The following DEPDC5 variants were observed in gnomAD, a reference collection of about 807,000 sequenced individuals.
The protein encoded by DEPDC5 is GATOR1 complex protein DEPDC5.
In DEPDC5, 73 loss-of-function variants were observed where a neutral mutation model predicts 217.3. That is an observed-to-expected ratio of 0.34 (90% CI 0.28 to 0.41). The LOEUF (loss-of-function observed/expected upper bound fraction) is 0.41. Among genes scored for constraint, DEPDC5 ranks in the 10% least tolerant of loss-of-function variants. DEPDC5 has a pLI of 1.00. For synonymous variants in DEPDC5, 733 were observed against 756.7 expected (o/e 0.97, Z 0.51); for missense variants, 1,675 against 2,070.1 (o/e 0.81, Z 3.70).
At chr22:31,815,748 C>A in intron 21 of DEPDC5, 2 of 1,090,498 alleles carry the variant, frequency 1.8e-6, no homozygotes, top group South Asian at 2.6e-5. Flanking sequence ...CCAGGCTGGT[C>A]TTGAACTCCT....
chr22:31,845,305 G>T, intron 30 of DEPDC5, 68 bp downstream of exon 30: 1 of 1,540,072 alleles, frequency 6.5e-7, no homozygotes. Context: ...TCCTCTATTA[G>T]GGGCCTCTCA....
chr22:31,857,371 G>C (rs532730692), intron 31 of DEPDC5, 74 bp from the exon 32 acceptor site: 2 of 1,287,598 alleles, frequency 1.6e-6, no homozygotes, highest in African/African-American at 3.0e-5. Flanking sequence ...AGAGCTGTCT[G>C]CATCTTGGCC....
At chr22:31,777,356 G>C (rs2083981421) in intron 7 of DEPDC5, among the ~76,000 whole-genome samples, 1 of 151,668 alleles carries the variant, frequency 6.6e-6, no homozygotes, top group South Asian at 2.1e-4. Flanking sequence ...CACCTCCTGG[G>C]TTCAAGTGAT....
intron 32 of DEPDC5, 29 bp from the exon 33 acceptor site, chr22:31,861,339 G>C: frequency 6.5e-7 from 1 of 1,549,930 alleles, no homozygotes; most frequent in Non-Finnish European, 8.7e-7. Context: ...TGCAACTGCT[G>C]CTGCTGCTTC....
intron 38 of DEPDC5, among the ~76,000 whole-genome samples, chr22:31,882,524 A>C (rs2093204326): frequency 6.6e-6 from 1 of 152,218 alleles, no homozygotes; most frequent in South Asian, 2.1e-4. Context: ...CCTTGTAGTA[A>C]GAGGCGCTCG....
At chr22:31,866,380 C>A in intron 33 of DEPDC5, among the ~76,000 whole-genome samples, 1 of 152,050 alleles carries the variant, frequency 6.6e-6, no homozygotes, top group African/African-American at 2.4e-5. Context: ...GTTTCTCAGG[C>A]TTTCCTTACA....
intron 24 of DEPDC5, among the ~76,000 whole-genome samples, chr22:31,823,475 G>A (rs2089888722): frequency 6.7e-6 from 1 of 149,042 alleles, no homozygotes; most frequent in Non-Finnish European, 1.5e-5. Context: ...GGAGGTTGCA[G>A]TGAGCTGAGG....
chr22:31,855,437 C>T (rs368998782), intron 31 of DEPDC5, among the ~76,000 whole-genome samples: 14 of 149,226 alleles, frequency 9.4e-5, no homozygotes, highest in African/African-American at 3.2e-4. Flanking sequence ...AGTGCAGTGG[C>T]GCGATATCGG....
At chr22:31,887,024 G>A (rs1427773197) in intron 38 of DEPDC5, among the ~76,000 whole-genome samples, 6 of 151,128 alleles carry the variant, frequency 4.0e-5, no homozygotes, top group East Asian at 2.0e-4. Flanking sequence ...TGGAGGTTGC[G>A]GTGAGCTGAG....
At chr22:31,880,097 C>T (rs1225747075) in intron 38 of DEPDC5, 6 of 284,212 alleles carry the variant, frequency 2.1e-5, no homozygotes, top group Non-Finnish European at 3.5e-5. Flanking sequence ...TAGTTCCTGC[C>T]GGAGCCCCTC....
chr22:31,794,357 T>A (rs967732984), intron 12 of DEPDC5, among the ~76,000 whole-genome samples: 1 of 152,150 alleles, frequency 6.6e-6, no homozygotes, highest in East Asian at 1.9e-4. Flanking sequence ...ATATGCAGTT[T>A]TATCTGTATA....
intron 3 of DEPDC5, 32 bp from the exon 4 acceptor site, chr22:31,760,624 T>C: frequency 6.2e-7 from 1 of 1,603,964 alleles, no homozygotes; most frequent in Admixed American, 1.7e-5. Context: ...CTGTTCACGG[T>C]ATCCCAACTC....
At chr22:31,763,384 C>T (rs2082560544) in intron 4 of DEPDC5, among the ~76,000 whole-genome samples, 1 of 152,110 alleles carries the variant, frequency 6.6e-6, no homozygotes, top group South Asian at 2.1e-4. Flanking sequence ...CTCAACCTCC[C>T]AAAGTCCTGG....
intron 15 of DEPDC5, 92 bp from the exon 16 acceptor site, chr22:31,804,070 C>T: frequency 1.6e-6 from 2 of 1,232,036 alleles, no homozygotes; most frequent in South Asian, 2.5e-5. Flanking sequence ...TTAGCTTTGC[C>T]TACTACCCAT....
intron 38 of DEPDC5, among the ~76,000 whole-genome samples, chr22:31,888,838 G>A (rs933087192): frequency 5.3e-5 from 8 of 152,176 alleles, no homozygotes; most frequent in Non-Finnish European, 7.4e-5. Context: ...GAGCCACTGC[G>A]CTCGGCCCCA....
chr22:31,828,911 G>T (rs866834057), intron 24 of DEPDC5, among the ~76,000 whole-genome samples: 1 of 152,196 alleles, frequency 6.6e-6, no homozygotes, highest in Non-Finnish European at 1.5e-5. Flanking sequence ...GCCGTCTTGT[G>T]GGGGATTGAA....
In DEPDC5 at chr22:31,861,401, C is replaced by G. The variant is rs978348336; in HGVS notation, c.3298C>G (p.Pro1100Ala). Residue 1100 changes from proline (P) to alanine (A), a missense_variant, in exon 33 of 43, where the codon CCA becomes GCA. This residue lies in a region of DEPDC5 where 126 missense variants were observed against 113.8 expected (regional missense o/e 1.11). Coordinates refer to ENST00000651528, the MANE Select transcript of DEPDC5 (RefSeq NM_001242896.3). ...CTTCTTTATGGAGTTTGTCCGCAGC[C>G]CACGCACAGCATCGTCCGCCTTCTA... Reference protein sequence around the residue: ...GAFFMEFVRSPRTASSAFYPQ... With the variant: ...GAFFMEFVRSARTASSAFYPQ... The G allele has an allele frequency of 6.4e-7, 1 of 1,551,386 alleles. No homozygotes were observed. Among genetic ancestry groups the G allele is most frequent in the African/African-American group, 1.4e-5 (1 of 72,952 alleles).
intron 38 of DEPDC5, among the ~76,000 whole-genome samples, chr22:31,882,780 C>T (rs1181379164): frequency 6.6e-6 from 1 of 150,948 alleles, no homozygotes; most frequent in Non-Finnish European, 1.5e-5. Flanking sequence ...CTTCTTTCTC[C>T]TCTTCTCTTC....
intron 38 of DEPDC5, among the ~76,000 whole-genome samples, chr22:31,888,211 CT>C (rs2093358696): frequency 7.0e-6 from 1 of 141,982 alleles, no homozygotes; most frequent in Non-Finnish European, 1.5e-5. Context: ...ACTCACATGC[CT>C]TTCCTTCTCA....
Sources: gnomAD v4.1 joint callset for allele counts (sites outside exome capture counted in the v4.1 genomes callset) on GRCh38, gnomAD v4.1.1 for gene constraint, gnomAD v4.1.1 regional missense constraint, MANE v1.5 for transcripts, NCBI Gene and HGNC (gene_info 2026-07-23, HGNC 2026-07-21) for gene names.